The following CARD8 variants were observed in gnomAD, a reference collection of about 807,000 sequenced individuals.
CARD8 encodes caspase recruitment domain family member 8.
CARD8 carries 38 observed loss-of-function variants against 53.2 expected under a neutral mutation model. The ratio of observed to expected loss-of-function variants is 0.71; its 90% CI spans 0.55 to 0.94. CARD8 has a LOEUF of 0.94. Among genes scored for constraint, CARD8 ranks in the 40% least tolerant of loss-of-function variants. The pLI is 0.00. For synonymous variants in CARD8, 245 were observed against 244.9 expected (o/e 1.00, Z 0.00); for missense variants, 561 against 655.5 (o/e 0.86, Z 1.57).
At chr19:48,203,867 C>A, downstream of CARD8, 1 of 250,796 alleles carries the variant, frequency 4.0e-6, no homozygotes, top group Non-Finnish European at 8.1e-6. Flanking sequence ...ACCCATTGGC[C>A]ACCTGTATCT....
At chr19:48,207,732 C>CTGTTTTTTTTTTTTTTTT (rs2037426117), downstream of CARD8, among the ~76,000 whole-genome samples, 1 of 91,278 alleles carries the variant, frequency 1.1e-5, no homozygotes, top group South Asian at 4.2e-4. Flanking sequence ...TGTTGTTTTT[C>CTGTTTTTTTTTTTTTTTT]TGTTTTTTTT....
intron 13 of CARD8, among the ~76,000 whole-genome samples, chr19:48,212,393 A>G (rs893884374): frequency 3.3e-5 from 5 of 152,234 alleles, no homozygotes; most frequent in African/African-American, 1.2e-4. Context: ...CTGGATCCCC[A>G]AAGCTTAGCT....
downstream of CARD8, chr19:48,204,287 T>C (rs1399722650): frequency 9.2e-6 from 4 of 433,200 alleles, no homozygotes; most frequent in South Asian, 4.9e-5. Context: ...GCGGGAGAAA[T>C]TAGACTAACA....
At position 48,230,712 on chromosome 19, in the gene CARD8, C is replaced by A; in HGVS notation, c.773-12G>T. On this transcript the variant is annotated splice_polypyrimidine_tract_variant and intron_variant, in intron 9 of 13. Transcript: ENST00000651546. The stretch of plus-strand genomic sequence containing the variant: ...GTCCACCTCACCTGCTGCAGGAGAA[C>A]CACAACAGCAGTGAGACGGCACGCA... 1 of 1,613,210 alleles carries A rather than the reference C, an allele frequency of 6.2e-7. No homozygotes were observed. Among genetic ancestry groups the A allele is most frequent in the Non-Finnish European group, 8.5e-7 (1 of 1,179,326 alleles).
chr19:48,252,808 T>TATATATACAC (rs113740488), intron 1 of CARD8, among the ~76,000 whole-genome samples: 2,205 of 148,170 alleles, frequency 0.015, 32 homozygotes, highest in African/African-American at 0.02. Flanking sequence ...TATCAGTATA[T>TATATATACAC]ACACACACAC....
At chr19:48,251,615 A>G (rs1314692892) in intron 1 of CARD8, among the ~76,000 whole-genome samples, 1 of 152,170 alleles carries the variant, frequency 6.6e-6, no homozygotes, top group East Asian at 1.9e-4. Context: ...CTTGGATTAT[A>G]TTTCTGTTAA....
At chr19:48,205,387 G>C (rs898273299), downstream of CARD8, among the ~76,000 whole-genome samples, 5 of 151,820 alleles carry the variant, frequency 3.3e-5, no homozygotes, top group Non-Finnish European at 7.4e-5. Flanking sequence ...GCACCACCAC[G>C]CCCGGCTAAT....
intron 3 of CARD8, among the ~76,000 whole-genome samples, chr19:48,244,510 C>G (rs376385512): frequency 6.6e-6 from 1 of 152,096 alleles, no homozygotes; most frequent in South Asian, 2.1e-4. Flanking sequence ...GCCTCATACT[C>G]GGTGATTTAT....
intron 9 of CARD8, 35 bp from the exon 10 acceptor site, chr19:48,230,735 G>A (rs574606828): frequency 1.4e-5 from 22 of 1,612,724 alleles, no homozygotes; most frequent in Middle Eastern, 1.7e-4. Flanking sequence ...GAGACGGCAC[G>A]CACCCCAGCG....
In CARD8 at chr19:48,240,244, C is replaced by CA. The variant is rs1345423560; in HGVS notation, c.59+717dup. Among the ~76,000 whole-genome samples, 3 of 152,252 alleles carry CA rather than the reference C, an allele frequency of 2.0e-5. No homozygotes were observed. The East Asian group carries it at 5.8e-4, about 29-fold the overall frequency. Reference sequence around the variant, plus strand: ...GCTGATGAGGAGCCACTGAAACACACAGAGGGAGGGCTTAGTGAGTCAGGC... The same window carrying CA: ...GCTGATGAGGAGCCACTGAAACACACAAGAGGGAGGGCTTAGTGAGTCAGGC... On this transcript the variant is annotated intron_variant, in intron 4 of 13. Coordinates refer to ENST00000651546, the MANE Select transcript of CARD8 (RefSeq NM_001184900.3).
intron 1 of CARD8, among the ~76,000 whole-genome samples, chr19:48,254,190 AG>A (rs1196369407): frequency 6.6e-6 from 1 of 152,188 alleles, no homozygotes; most frequent in African/African-American, 2.4e-5. Flanking sequence ...GTTTGAGCCC[AG>A]GAGTTTGAGT....
At position 48,220,954 on chromosome 19, in the gene CARD8, A is replaced by AAGGAAGGAAGGAAGGAAGGAAGGAAGG. The variant is rs10638078; in HGVS notation, c.1161+775_1161+776insCCTTCCTTCCTTCCTTCCTTCCTTCCT. Among the ~76,000 whole-genome samples, 74 of 101,332 alleles carry AAGGAAGGAAGGAAGGAAGGAAGGAAGG rather than the reference A, an allele frequency of 7.3e-4. 2 individuals are homozygous for AAGGAAGGAAGGAAGGAAGGAAGGAAGG. The highest frequency in any genetic ancestry group is 1.4e-3 in the East Asian group (5 of 3,652). The allele number at this position is 101,332 out of a possible 152,430, so 66.5% of individuals were successfully genotyped here. ...GAGAAAGAGGGAAAGAAAGGAAAGGAAAGGAAGGAAGGAAGGAAGGAAGGA... is the reference window on the plus strand; with the variant it reads ...GAGAAAGAGGGAAAGAAAGGAAAGGAAGGAAGGAAGGAAGGAAGGAAGGAAGGAAGGAAGGAAGGAAGGAAGGAAGGA... On this transcript the variant is annotated intron_variant, in intron 11 of 13. Transcript: ENST00000651546.
At chr19:48,218,517 G>GACTA (rs2039833632) in intron 12 of CARD8, among the ~76,000 whole-genome samples, 1 of 152,028 alleles carries the variant, frequency 6.6e-6, no homozygotes, top group Non-Finnish European at 1.5e-5. Context: ...ACCACACCTG[G>GACTA]CTAATTTTGT....
chr19:48,231,602 C>G, intron 8 of CARD8, 58 bp downstream of exon 8: 1 of 1,521,068 alleles, frequency 6.6e-7, no homozygotes, highest in African/African-American at 1.4e-5. Flanking sequence ...CACGCCTGGC[C>G]TACACACTTC....
intron 3 of CARD8, among the ~76,000 whole-genome samples, chr19:48,249,176 G>T (rs1319257288): frequency 6.7e-6 from 1 of 150,216 alleles, no homozygotes; most frequent in Non-Finnish European, 1.5e-5. Flanking sequence ...CAGCCTGGAT[G>T]ACAGAACGAG....
Position 48,240,914 on chromosome 19 carries a change from C to T in CARD8, c.59+48G>A, listed in dbSNP as rs1017540380. ...GTATCTCATGAACTATAACGAAACA[C>T]AGAAGAATCAGCCATCAGGAGCCCT... On this transcript the variant is annotated intron_variant, in intron 4 of 13. Coordinates refer to ENST00000651546, the MANE Select transcript of CARD8 (RefSeq NM_001184900.3). The T allele has an allele frequency of 2.1e-6, 3 of 1,423,518 alleles. No homozygotes were observed. In the African/African-American group the frequency reaches 4.2e-5, roughly 20 times the overall value. 88.2% of individuals were successfully genotyped at this position (1,423,518 alleles called of 1,614,324 possible). A position where few individuals can be genotyped will look rare whatever the true frequency, so the allele number is the denominator to read the frequency against.
chr19:48,230,343 T>C, intron 10 of CARD8, 95 bp downstream of exon 10: 1 of 1,369,532 alleles, frequency 7.3e-7, no homozygotes, highest in Non-Finnish European at 1.0e-6. Context: ...AACCATGCCT[T>C]GCCCTTTCTG....
At chr19:48,234,270 G>T in intron 6 of CARD8, 133 bp downstream of exon 6, 1 of 856,548 alleles carries the variant, frequency 1.2e-6, no homozygotes, top group Non-Finnish European at 1.8e-6. Flanking sequence ...TGGATTCATT[G>T]CTAGTATTGC....
chr19:48,250,703 T>C (rs948688341), intron 1 of CARD8, among the ~76,000 whole-genome samples: 1 of 152,198 alleles, frequency 6.6e-6, no homozygotes, highest in African/African-American at 2.4e-5. Flanking sequence ...AAAAGCACAT[T>C]TGAGCAACAA....
Sources: allele counts gnomAD v4.1 joint callset (sites outside exome capture counted in the v4.1 genomes callset), GRCh38; gene constraint gnomAD v4.1.1; transcripts MANE v1.5; gene names NCBI Gene and HGNC (gene_info 2026-07-23, HGNC 2026-07-21).